The following MGAT5 variants were observed in gnomAD, a reference collection of about 807,000 sequenced individuals.
MGAT5 encodes the protein alpha-1,6-mannosylglycoprotein 6-beta-N-acetylglucosaminyltransferase A.
Under a neutral mutation model 94.3 loss-of-function variants are expected in MGAT5, and 30 were observed. The ratio of observed to expected loss-of-function variants is 0.32; its 90% CI spans 0.24 to 0.43. The LOEUF (loss-of-function observed/expected upper bound fraction) is 0.43. MGAT5 is among the 20% of genes least tolerant of loss of function. The pLI, the probability that MGAT5 is intolerant of heterozygous loss-of-function variation, is 1.00. For missense variants in MGAT5, 691 were observed against 905.5 expected (o/e 0.76, Z 3.04); for synonymous variants, 310 against 322.9 (o/e 0.96, Z 0.43).
upstream of MGAT5, among the ~76,000 whole-genome samples, chr2:134,252,601 C>T (rs1682682388): frequency 6.6e-6 from 1 of 152,170 alleles, no homozygotes; most frequent in South Asian, 2.1e-4. Context: ...TCACATTTCT[C>T]ACTGGTGATG....
intron 7 of MGAT5, among the ~76,000 whole-genome samples, chr2:134,342,408 T>C (rs912390529): frequency 3.9e-5 from 6 of 152,208 alleles, no homozygotes; most frequent in Non-Finnish European, 8.8e-5. Context: ...GCCATGTTGC[T>C]ATATGTCGTA....
At chr2:134,191,219 A>G (rs936289388) in intron 1 of MGAT5, among the ~76,000 whole-genome samples, 22 of 152,258 alleles carry the variant, frequency 1.4e-4, no homozygotes, top group Non-Finnish European at 2.8e-4. Context: ...TAAAGTGACA[A>G]TAAAACGTAC....
intron 1 of MGAT5, among the ~76,000 whole-genome samples, chr2:134,202,483 A>T (rs994892474): frequency 5.3e-5 from 8 of 152,246 alleles, no homozygotes; most frequent in Non-Finnish European, 1.2e-4. Flanking sequence ...AGCTATGAGC[A>T]GTAAATTTCT....
intron 11 of MGAT5, among the ~76,000 whole-genome samples, chr2:134,411,021 G>C (rs1280557005): frequency 6.6e-6 from 1 of 152,182 alleles, no homozygotes; most frequent in Non-Finnish European, 1.5e-5. Context: ...GAGATCACAA[G>C]TCTGGTAGAT....
chr2:134,134,356 A>G (rs921391221), intron 1 of MGAT5, among the ~76,000 whole-genome samples: 1 of 152,170 alleles, frequency 6.6e-6, no homozygotes, highest in Admixed American at 6.5e-5. Flanking sequence ...CATTAGGAAC[A>G]CAGGAATAGG....
In MGAT5 at chr2:134,270,494, C is replaced by A. The variant is rs760847693; in HGVS notation, c.350C>A (p.Thr117Asn). ...GTCAATGGCACCGGAACAAACTCAA[C>A]CAACTCCACTACAGCTGTTCCCAGC... Reference protein sequence around the residue: ...LVVNGTGTNSTNSTTAVPSLV... With the variant: ...LVVNGTGTNSNNSTTAVPSLV... The change falls in exon 2 of 16, where the codon ACC (threonine) becomes AAC (asparagine). Residue 117 changes from threonine (T) to asparagine (N), a missense_variant. By Grantham distance (65) the Thr-to-Asn change is moderately conservative. Around this residue, in one of 4 missense-constraint regions of MGAT5, gnomAD observed 307 missense variants for 335.4 expected, o/e 0.92. Transcript: ENST00000281923. 1.9e-6 allele frequency: 3 copies of A among 1,614,188 alleles called. No individual in the cohort carries two copies. Among genetic ancestry groups the A allele is most frequent in the Non-Finnish European group, 1.7e-6 (2 of 1,180,028 alleles).
chr2:134,136,441 C>T (rs1686415814), intron 1 of MGAT5, among the ~76,000 whole-genome samples: 1 of 152,056 alleles, frequency 6.6e-6, no homozygotes, highest in Non-Finnish European at 1.5e-5. Context: ...GTGGCGGGTG[C>T]CTGTAATCCC....
intron 1 of MGAT5, among the ~76,000 whole-genome samples, chr2:134,148,892 G>A (rs1687048214): frequency 6.6e-6 from 1 of 151,444 alleles, no homozygotes; most frequent in African/African-American, 2.4e-5. Flanking sequence ...CCGAGTAGCT[G>A]GAATTACAGG....
intron 10 of MGAT5, among the ~76,000 whole-genome samples, chr2:134,396,012 C>T (rs1682685632): frequency 6.6e-6 from 1 of 152,174 alleles, no homozygotes; most frequent in Non-Finnish European, 1.5e-5. Context: ...ATAGGTGGAC[C>T]ACAGACTGGG....
At chr2:134,159,585 TC>T (rs1687638625) in intron 1 of MGAT5, among the ~76,000 whole-genome samples, 1 of 152,322 alleles carries the variant, frequency 6.6e-6, no homozygotes, top group Non-Finnish European at 1.5e-5. Context: ...ACGCCTGCAA[TC>T]CCAGTACCTT....
At chr2:134,131,309 C>T (rs1303330436) in intron 1 of MGAT5, among the ~76,000 whole-genome samples, 8 of 152,204 alleles carry the variant, frequency 5.3e-5, no homozygotes, top group Non-Finnish European at 7.3e-5. Flanking sequence ...CCCACCAATT[C>T]GGGCCACACT....
chr2:134,172,300 A>G (rs968926660), intron 1 of MGAT5, among the ~76,000 whole-genome samples: 3 of 151,998 alleles, frequency 2.0e-5, no homozygotes, highest in African/African-American at 7.3e-5. Flanking sequence ...TTGAGGAACC[A>G]TTGCTCCAAG....
intron 10 of MGAT5, among the ~76,000 whole-genome samples, chr2:134,398,506 G>A (rs1446177817): frequency 1.3e-5 from 2 of 152,144 alleles, no homozygotes; most frequent in East Asian, 3.9e-4. Flanking sequence ...GGAGAAATAT[G>A]TGTGTCTGCA....
intron 2 of MGAT5, among the ~76,000 whole-genome samples, chr2:134,311,597 G>A (rs1376010683): frequency 6.6e-6 from 1 of 152,036 alleles, no homozygotes; most frequent in African/African-American, 2.4e-5. Context: ...CCTCGCCTAG[G>A]AACAGGTAGT....
intron 1 of MGAT5, among the ~76,000 whole-genome samples, chr2:134,257,923 G>T (rs1423591213): frequency 7.0e-6 from 1 of 142,926 alleles, no homozygotes; most frequent in African/African-American, 2.6e-5. Flanking sequence ...AGTTGATCCT[G>T]TATGGCTAGG....
chr2:134,278,099 G>A (rs983861623), intron 2 of MGAT5, among the ~76,000 whole-genome samples: 9 of 152,140 alleles, frequency 5.9e-5, no homozygotes, highest in Non-Finnish European at 1.3e-4. Context: ...CTCAGGTATT[G>A]GATACTGTCA....
At chr2:134,251,096 A>G (rs1682560279), upstream of MGAT5, among the ~76,000 whole-genome samples, 1 of 152,188 alleles carries the variant, frequency 6.6e-6, no homozygotes, top group East Asian at 1.9e-4. Flanking sequence ...AAATAGTGAA[A>G]GAAAAATCAC....
chr2:134,155,837 C>T (rs890195328), intron 1 of MGAT5, among the ~76,000 whole-genome samples: 1 of 152,032 alleles, frequency 6.6e-6, no homozygotes, highest in African/African-American at 2.4e-5. Context: ...TCCTTCCTTC[C>T]CTCTTTTTCT....
chr2:134,330,330 G>C (rs945281488), intron 4 of MGAT5, among the ~76,000 whole-genome samples: 5 of 152,136 alleles, frequency 3.3e-5, no homozygotes, highest in African/African-American at 1.2e-4. Context: ...CCCAGATTCA[G>C]TTATCTTTCC....
Sources: allele counts gnomAD v4.1 joint callset (sites outside exome capture counted in the v4.1 genomes callset), GRCh38; gene constraint gnomAD v4.1.1; regional missense constraint gnomAD v4.1.1; transcripts MANE v1.5; gene names NCBI Gene and HGNC (gene_info 2026-07-23, HGNC 2026-07-21).